The following ZC3H11A variants were observed in gnomAD, a reference collection of about 807,000 sequenced individuals.
The protein encoded by ZC3H11A is zinc finger CCCH-type containing 11A, also known as zinc finger CCCH domain-containing protein 11A.
A neutral mutation model predicts 90.8 loss-of-function variants in ZC3H11A; 22 were observed. The observed-to-expected ratio is 0.24, with a 90% CI of 0.17 to 0.35. The LOEUF (loss-of-function observed/expected upper bound fraction) is 0.35. ZC3H11A is among the 10% of genes least tolerant of loss of function. ZC3H11A has a pLI of 1.00. For missense variants in ZC3H11A, 701 were observed against 964.9 expected (o/e 0.73, Z 3.62); for synonymous variants, 294 against 339.8 (o/e 0.87, Z 1.48).
chr1:203,831,812 T>G (rs1432062933), intron 9 of ZC3H11A, 41 bp downstream of exon 9: 13 of 1,507,100 alleles, frequency 8.6e-6, no homozygotes, highest in Non-Finnish European at 9.1e-6. Flanking sequence ...AGCCTCTACT[T>G]TTATATAATT....
intron 14 of ZC3H11A, 23 bp downstream of exon 14, chr1:203,848,430 GT>G: frequency 6.3e-7 from 1 of 1,579,128 alleles, no homozygotes; most frequent in Non-Finnish European, 8.6e-7. Flanking sequence ...TTATTGTATG[GT>G]TTTGTTCATG....
rs1010302351 is a variant in ZC3H11A, at chr1:203,852,538, G to A, written c.*139G>A. 4.4e-4 allele frequency: 402 copies of A among 907,554 alleles called. 2 individuals are homozygous for A. The highest frequency in any genetic ancestry group is 5.9e-4 in the Non-Finnish European group (359 of 611,004). The allele number at this position is 907,554 out of a possible 1,614,324, so 56.2% of individuals were successfully genotyped here. ...TCAGAAGTATACCTCTGAATTATCT[G>A]TATGTGTCCTGGATTCCTTGGGGTC... On this transcript the variant is annotated 3_prime_UTR_variant, in exon 18 of 18. Transcript: ENST00000367210.
At chr1:203,823,278 C>G (rs568939494) in intron 4 of ZC3H11A, among the ~76,000 whole-genome samples, 2 of 152,110 alleles carry the variant, frequency 1.3e-5, no homozygotes, top group East Asian at 3.8e-4. Flanking sequence ...TGGAAGAATC[C>G]GTGTGCCTGT....
intron 1 of ZC3H11A, chr1:203,796,181 C>G (rs1668421997): frequency 2.7e-6 from 1 of 370,394 alleles, no homozygotes; most frequent in Non-Finnish European, 4.8e-6. Flanking sequence ...AGAACTGACA[C>G]TAGATTGCTT....
At chr1:203,798,082 C>T (rs182386491) in intron 1 of ZC3H11A, 1 of 1,536,090 alleles carries the variant, frequency 6.5e-7, no homozygotes, top group East Asian at 2.4e-5. Context: ...TGGACCAGGG[C>T]CAACAAGTTT....
intron 2 of ZC3H11A, among the ~76,000 whole-genome samples, chr1:203,808,791 G>A (rs576544138): frequency 7.2e-5 from 11 of 151,866 alleles, no homozygotes; most frequent in Non-Finnish European, 1.6e-4. Flanking sequence ...CGTCGTCATC[G>A]CCATCTTCTT....
chr1:203,819,087 T>TAC (rs202070174), intron 4 of ZC3H11A, among the ~76,000 whole-genome samples: 152 of 41,458 alleles, frequency 3.7e-3, no homozygotes, highest in African/African-American at 5.3e-3. Context: ...AATATATATA[T>TAC]ATACACACAC....
intron 12 of ZC3H11A, among the ~76,000 whole-genome samples, chr1:203,842,935 T>TTA (rs1553269728): frequency 6.6e-6 from 1 of 151,552 alleles, no homozygotes; most frequent in Non-Finnish European, 1.5e-5. Context: ...TTTTTTTTTT[T>TTA]AATACCTTGC....
chr1:203,813,420 A>G (rs1263273984), intron 2 of ZC3H11A, among the ~76,000 whole-genome samples: 4 of 152,012 alleles, frequency 2.6e-5, no homozygotes, highest in African/African-American at 4.8e-5. Flanking sequence ...TTTCTTTTGT[A>G]TTTAAGTTGT....
At chr1:203,801,162 G>A (rs1333432510) in intron 1 of ZC3H11A, 2 of 152,198 alleles carry the variant, frequency 1.3e-5, no homozygotes, top group East Asian at 3.9e-4. Context: ...TAATTTATGG[G>A]TAAAAACAGA....
Position 203,801,831 on chromosome 1 carries a change from T to TA in ZC3H11A, c.-1328dup, listed in dbSNP as rs750154808. 5 of 132,082 alleles carry TA rather than the reference T, an allele frequency of 3.8e-5. No individual in the cohort carries two copies. Among genetic ancestry groups the TA allele is most frequent in the African/African-American group, 1.4e-4 (5 of 36,130 alleles). The allele number at this position is 132,082 out of a possible 1,614,324, so 8.2% of individuals were successfully genotyped here. On this transcript the variant is annotated 5_prime_UTR_variant, in exon 2 of 18. Coordinates refer to ENST00000367210, the MANE Select transcript of ZC3H11A (RefSeq NM_001376342.1). ...TTTTGGTTTTGATTTTTTTTTTTTT[T>TA]AAATTCTTAAATGGTAAATATGCCA...
rs1681286638 is a variant in ZC3H11A, at chr1:203,828,542, C to T, written c.298+120C>T. The T allele has an allele frequency of 3.2e-6, 4 of 1,257,950 alleles. No homozygotes were observed. In the South Asian group the frequency reaches 5.8e-5, roughly 18 times the overall value. 77.9% of individuals were successfully genotyped at this position (1,257,950 alleles called of 1,614,324 possible). On this transcript the variant is annotated intron_variant, in intron 5 of 17. Coordinates refer to ENST00000367210, the MANE Select transcript of ZC3H11A (RefSeq NM_001376342.1). ...TTGTGAAACAGCAGAATTATTTCCA[C>T]TTTACAGATAAGTGAACTGAATCTT...
At chr1:203,798,621 G>T (rs1425355656) in intron 1 of ZC3H11A, 1 of 1,536,038 alleles carries the variant, frequency 6.5e-7, no homozygotes, top group East Asian at 2.4e-5. Context: ...TAGTGACTCT[G>T]ATTCAGATGA....
chr1:203,843,660 A>G (rs1687099184), intron 12 of ZC3H11A, among the ~76,000 whole-genome samples: 2 of 152,210 alleles, frequency 1.3e-5, no homozygotes, highest in Non-Finnish European at 2.9e-5. Context: ...GTGTTCTAGC[A>G]AAACTTCATT....
chr1:203,841,161 T>A (rs1324941947), intron 12 of ZC3H11A, among the ~76,000 whole-genome samples: 16 of 151,060 alleles, frequency 1.1e-4, no homozygotes, highest in South Asian at 2.1e-4. Flanking sequence ...TTTTTTATTT[T>A]TTTTTTTAGT....
chr1:203,814,834 CATTTGTTT>C (rs1230124649), intron 2 of ZC3H11A: 1 of 151,912 alleles, frequency 6.6e-6, no homozygotes, highest in Non-Finnish European at 1.5e-5. Context: ...TTTTTTAAAT[CATTTGTTT>C]ATTTTTGAGA....
At chr1:203,816,523 G>A (rs576283895) in intron 2 of ZC3H11A, among the ~76,000 whole-genome samples, 1 of 152,150 alleles carries the variant, frequency 6.6e-6, no homozygotes, top group South Asian at 2.1e-4. Context: ...TGGATACTTG[G>A]GGGAGGCTGA....
At chr1:203,818,172 A>T (rs1205764534) in intron 3 of ZC3H11A, among the ~76,000 whole-genome samples, 1 of 152,162 alleles carries the variant, frequency 6.6e-6, no homozygotes, top group Admixed American at 6.5e-5. Flanking sequence ...AGTGGAGCAC[A>T]GTTATATTGT....
chr1:203,842,100 C>T (rs1472817590), intron 12 of ZC3H11A, among the ~76,000 whole-genome samples: 1 of 150,954 alleles, frequency 6.6e-6, no homozygotes, highest in Admixed American at 6.6e-5. Flanking sequence ...GGAAGAGGCG[C>T]TCCTCACTTC....
Sources: gnomAD v4.1 joint callset for allele counts (sites outside exome capture counted in the v4.1 genomes callset) on GRCh38, gnomAD v4.1.1 for gene constraint, MANE v1.5 for transcripts, NCBI Gene and HGNC (gene_info 2026-07-23, HGNC 2026-07-21) for gene names.